PARP8: variants seen among roughly 807,000 people sequenced by gnomAD.
PARP8 encodes the protein poly(ADP-ribose) polymerase family member 8, also known as protein mono-ADP-ribosyltransferase PARP8.
In PARP8, 51 loss-of-function variants were observed where a neutral mutation model predicts 124.1. The observed-to-expected ratio is 0.41, with a 90% confidence interval of 0.33 to 0.52. PARP8 has a LOEUF of 0.52. Among genes scored for constraint, PARP8 ranks in the 20% least tolerant of loss-of-function variants. The pLI is 0.21. For synonymous variants in PARP8, 391 were observed against 361.5 expected (o/e 1.08, Z -0.93); for missense variants, 860 against 1,018.9 (o/e 0.84, Z 2.12).
Position 50,833,978 on chromosome 5 carries a change from G to T in PARP8, c.2308-1G>T, listed in dbSNP as rs143374469. The T allele has an allele frequency of 1.9e-6, 3 of 1,610,198 alleles. No homozygotes were observed. Among genetic ancestry groups the T allele is most frequent in the Non-Finnish European group, 2.5e-6 (3 of 1,177,590 alleles). ...AAGTTTTAATTGTTTTTGGAATTTA[G>T]TCACAGAAAAAAGGACAGCAATCCC... On this transcript the variant is annotated splice_acceptor_variant, in intron 23 of 25. Transcript: ENST00000281631. LOFTEE classifies it high-confidence loss of function.
At chr5:50,788,019 C>T (rs1423478827) in intron 9 of PARP8, among the ~76,000 whole-genome samples, 2 of 149,702 alleles carry the variant, frequency 1.3e-5, no homozygotes, top group Non-Finnish European at 3.0e-5. Context: ...TGTGCCTTCT[C>T]ATCTCCCATT....
intron 2 of PARP8, among the ~76,000 whole-genome samples, chr5:50,732,243 C>T (rs955841733): frequency 3.3e-5 from 5 of 151,980 alleles, no homozygotes; most frequent in Non-Finnish European, 7.4e-5. Context: ...GTGAGTGGTT[C>T]TAAGAAAGAT....
intron 10 of PARP8, among the ~76,000 whole-genome samples, chr5:50,791,849 A>G (rs1741993818): frequency 6.6e-6 from 1 of 152,186 alleles, no homozygotes; most frequent in Non-Finnish European, 1.5e-5. Context: ...AACGAAATTC[A>G]ATTTACAACT....
chr5:50,736,458 C>T (rs1333633768), intron 2 of PARP8, among the ~76,000 whole-genome samples: 1 of 152,094 alleles, frequency 6.6e-6, no homozygotes, highest in Non-Finnish European at 1.5e-5. Context: ...TAAGCAAAGT[C>T]TACTGAGTTT....
Position 50,843,774 on chromosome 5 carries a change from G to A in PARP8, c.*1706G>A, listed in dbSNP as rs1436989039. The A allele has an allele frequency of 6.6e-6, 1 of 151,772 alleles. No individual in the cohort carries two copies. Among genetic ancestry groups the A allele is most frequent in the African/African-American group, 2.4e-5 (1 of 41,390 alleles). 9.4% of individuals were successfully genotyped at this position (151,772 alleles called of 1,614,324 possible). ...GAGGACCTTGCTACTTTTTTGCCAA[G>A]ATGCTGCAAGTCTCCCAAATCACTT... is the stretch of plus-strand genomic sequence containing the variant. On this transcript the variant is annotated 3_prime_UTR_variant, in exon 26 of 26. Transcript: ENST00000281631.
intron 7 of PARP8, among the ~76,000 whole-genome samples, chr5:50,770,230 G>T (rs1387767181): frequency 6.6e-6 from 1 of 151,950 alleles, no homozygotes; most frequent in Non-Finnish European, 1.5e-5. Context: ...TACCCACATG[G>T]CTGTAGATAA....
chr5:50,700,125 T>G (rs1753439911), intron 2 of PARP8, among the ~76,000 whole-genome samples: 1 of 152,188 alleles, frequency 6.6e-6, no homozygotes, highest in African/African-American at 2.4e-5. Flanking sequence ...GATTTAAGTC[T>G]TAAATCATTA....
Position 50,814,761 on chromosome 5 carries a change from A to G in PARP8, c.1576-671A>G, listed in dbSNP as rs184609527. ...CGTGGATTGCATCGTGTTAGGCTTC[A>G]TCAGCTACCTAATGCAATGTAACTT... On this transcript the variant is annotated intron_variant, in intron 14 of 25. Coordinates refer to ENST00000281631, the MANE Select transcript of PARP8 (RefSeq NM_024615.4). 3.1e-3 allele frequency among the ~76,000 whole-genome samples: 466 copies of G among 152,268 alleles called. 1 individual carries two copies. Among genetic ancestry groups the G allele is most frequent in the Non-Finnish European group, 4.3e-3 (293 of 68,020 alleles).
intron 9 of PARP8, among the ~76,000 whole-genome samples, chr5:50,786,762 C>T (rs1028349690): frequency 6.6e-6 from 1 of 152,058 alleles, no homozygotes; most frequent in African/African-American, 2.4e-5. Flanking sequence ...CTGAGCTGGG[C>T]TCGGGGCCTA....
At chr5:50,790,594 T>A (rs766956431) in intron 10 of PARP8, among the ~76,000 whole-genome samples, 1 of 152,162 alleles carries the variant, frequency 6.6e-6, no homozygotes, top group African/African-American at 2.4e-5. Flanking sequence ...CAAAATAAGA[T>A]AAGATTTACA....
chr5:50,772,393 G>A (rs918770648), intron 7 of PARP8, among the ~76,000 whole-genome samples: 2 of 152,168 alleles, frequency 1.3e-5, no homozygotes, highest in African/African-American at 4.8e-5. Context: ...GGGCCACATG[G>A]TGGTTCTATT....
chr5:50,771,425 C>T (rs570474062), intron 7 of PARP8, among the ~76,000 whole-genome samples: 5 of 152,214 alleles, frequency 3.3e-5, no homozygotes, highest in Admixed American at 6.5e-5. Flanking sequence ...TCCCAAAGTG[C>T]TGGGATTACA....
At chr5:50,816,402 A>G (rs1745108457) in intron 15 of PARP8, among the ~76,000 whole-genome samples, 1 of 152,214 alleles carries the variant, frequency 6.6e-6, no homozygotes, top group Admixed American at 6.5e-5. Context: ...TTGCTAATAC[A>G]AACTATAGGA....
At chr5:50,703,635 G>A (rs149425304) in intron 2 of PARP8, among the ~76,000 whole-genome samples, 119 of 152,256 alleles carry the variant, frequency 7.8e-4, no homozygotes, top group Middle Eastern at 3.4e-3. Context: ...AATTTGCCAT[G>A]TGTTCTCTAC....
intron 19 of PARP8, among the ~76,000 whole-genome samples, chr5:50,827,530 ACTTTT>A (rs1474271797): frequency 6.6e-6 from 1 of 152,140 alleles, no homozygotes; most frequent in Non-Finnish European, 1.5e-5. Flanking sequence ...AGTTTTATAA[ACTTTT>A]CTTTTCTGCT....
At chr5:50,809,958 A>G (rs1353335818) in intron 14 of PARP8, among the ~76,000 whole-genome samples, 1 of 152,072 alleles carries the variant, frequency 6.6e-6, no homozygotes, top group Non-Finnish European at 1.5e-5. Context: ...AATTTCTTAA[A>G]ATACAATTAG....
chr5:50,739,732 ATTTTT>A (rs1230937798), intron 2 of PARP8, among the ~76,000 whole-genome samples: 77 of 44,178 alleles, frequency 1.7e-3, no homozygotes, highest in African/African-American at 5.8e-3. Context: ...ATATATATAT[ATTTTT>A]TTTTTTTTTT....
In PARP8 at chr5:50,796,988, G is replaced by C. The variant is rs758734339; in HGVS notation, c.1435G>C (p.Gly479Arg). Reference protein sequence around the residue: ...SSSSSQLAPNGAKCIPVRDRG... With the variant: ...SSSSSQLAPNRAKCIPVRDRG... ...TTTACTTTGCTTTTTATAGCCAAAT[G>C]GTGCAAAATGCATTCCAGTACGAGA... Residue 479 changes from glycine (G) to arginine (R), a missense_variant, in exon 13 of 26, where the codon GGT becomes CGT. Gly to Arg is a moderately radical substitution (Grantham distance 125). Coordinates refer to ENST00000281631, the MANE Select transcript of PARP8 (RefSeq NM_024615.4). 4 of 1,606,644 alleles carry C rather than the reference G, an allele frequency of 2.5e-6. No homozygotes were observed. In the South Asian group the frequency reaches 4.5e-5, roughly 18 times the overall value.
At chr5:50,772,094 A>G (rs1314477733) in intron 7 of PARP8, among the ~76,000 whole-genome samples, 2 of 152,146 alleles carry the variant, frequency 1.3e-5, no homozygotes, top group Non-Finnish European at 2.9e-5. Context: ...GACTTACATC[A>G]CGCAGTGTTT....
Sources: gnomAD v4.1 joint callset for allele counts (sites outside exome capture counted in the v4.1 genomes callset) on GRCh38, gnomAD v4.1.1 for gene constraint, MANE v1.5 for transcripts, NCBI Gene and HGNC (gene_info 2026-07-23, HGNC 2026-07-21) for gene names.